Variants in SEC14L1 observed in about 807,000 individuals in gnomAD.
The protein encoded by SEC14L1 is SEC14 like lipid binding 1.
SEC14L1 carries 48 observed loss-of-function variants against 85.3 expected under a neutral mutation model. That is an observed-to-expected ratio of 0.56 (90% CI 0.45 to 0.72). The LOEUF is 0.72. Ranked by LOEUF, SEC14L1 falls within the 30% of genes least tolerant of loss-of-function variation. The pLI is 0.00. For missense variants in SEC14L1, 682 were observed against 921.4 expected (o/e 0.74, Z 3.36); for synonymous variants, 391 against 355.5 (o/e 1.10, Z -1.12).
At chr17:77,139,647 G>C (rs566675479), upstream of SEC14L1, among the ~76,000 whole-genome samples, 10 of 151,890 alleles carry the variant, frequency 6.6e-5, no homozygotes, top group African/African-American at 1.7e-4. Flanking sequence ...ACAGGCGCCC[G>C]CCACCACGCC....
At position 77,216,214 on chromosome 17, in the gene SEC14L1, AGTAG is replaced by A. The variant is rs535738674; in HGVS notation, c.*2197_*2200del. Reference sequence around the variant, plus strand: ...GTAGGTAGGGCTAGTAGGTAGGGCTAGTAGGTAGGGTTCGTAGGTAGGGTTCGTA... The same window carrying A: ...GTAGGTAGGGCTAGTAGGTAGGGCTAGTAGGGTTCGTAGGTAGGGTTCGTA... On this transcript the variant is annotated 3_prime_UTR_variant, in exon 17 of 17. Transcript: ENST00000436233. 7.1e-6 allele frequency: 7 copies of A among 984,472 alleles called. No individual in the cohort carries two copies. The highest frequency in any genetic ancestry group is 2.9e-5 in the South Asian group (1 of 34,086). The allele number at this position is 984,472 out of a possible 1,614,324, so 61.0% of individuals were successfully genotyped here.
intron 3 of SEC14L1, among the ~76,000 whole-genome samples, chr17:77,131,428 C>T (rs1250130514): frequency 6.6e-6 from 1 of 152,142 alleles, no homozygotes; most frequent in African/African-American, 2.4e-5. Context: ...CACCACCATG[C>T]CCAACTAATT....
At position 77,214,892 on chromosome 17, in the gene SEC14L1, A is replaced by G. The variant is rs1015303836; in HGVS notation, c.*869A>G. 6.1e-6 allele frequency: 6 copies of G among 985,252 alleles called. No individual in the cohort carries two copies. The African/African-American group carries it at 1.0e-4, about 17-fold the overall frequency. The allele number at this position is 985,252 out of a possible 1,614,324, so 61.0% of individuals were successfully genotyped here. Reference sequence around the variant, plus strand: ...GTGGCTCATTGTCCTCAGAGCCCAGACAGTTCCAGCCACTAGGAGGCCGTC... The same window carrying G: ...GTGGCTCATTGTCCTCAGAGCCCAGGCAGTTCCAGCCACTAGGAGGCCGTC... On this transcript the variant is annotated 3_prime_UTR_variant, in exon 17 of 17. Coordinates refer to ENST00000436233, the MANE Select transcript of SEC14L1 (RefSeq NM_001143998.2).
intron 3 of SEC14L1, among the ~76,000 whole-genome samples, chr17:77,177,095 A>T (rs528969303): frequency 2.0e-5 from 3 of 152,286 alleles, no homozygotes; most frequent in Admixed American, 2.0e-4. Context: ...TTGTTTGGAC[A>T]TAGTAACTTA....
At chr17:77,202,675 T>A (rs149362591) in intron 9 of SEC14L1, among the ~76,000 whole-genome samples, 102 of 151,184 alleles carry the variant, frequency 6.7e-4, no homozygotes, top group African/African-American at 2.2e-3. Flanking sequence ...ATCCTAGAAG[T>A]TTGGGAGGCG....
chr17:77,130,463 C>T lies in SEC14L1; in HGVS notation c.-135-12183C>T, dbSNP rs561444921. 6.6e-5 allele frequency among the ~76,000 whole-genome samples: 10 copies of T among 151,894 alleles called. No homozygotes were observed. The South Asian group carries it at 1.3e-3, about 19-fold the overall frequency. On this transcript the variant is annotated intron_variant, in intron 3 of 19. Coordinates refer to the SEC14L1 transcript ENST00000392476. ...TCCCGAGTATCTGGGATTACAAGTG[C>T]GCTACCACACTCAGCTAATTTTTTT...
rs572625840 is a variant in SEC14L1, at chr17:77,184,631, G to A, written c.64-6172G>A. 5.0e-4 allele frequency among the ~76,000 whole-genome samples: 76 copies of A among 152,260 alleles called. No homozygotes were observed. The South Asian group carries it at 6.6e-3, about 13-fold the overall frequency. ...ACTCCCTTGCCTCCTGGTGAGAAAC[G>A]TTTCTGCCTCGCCTTGACCTTCCCT... On this transcript the variant is annotated intron_variant, in intron 3 of 16. Coordinates refer to ENST00000436233, the MANE Select transcript of SEC14L1 (RefSeq NM_001143998.2).
At chr17:77,111,257 G>A (rs1468101245) in intron 3 of SEC14L1, among the ~76,000 whole-genome samples, 1 of 152,042 alleles carries the variant, frequency 6.6e-6, no homozygotes, top group Non-Finnish European at 1.5e-5. Context: ...GCCGGGGGTG[G>A]GATTCCGGGC....
intron 3 of SEC14L1, among the ~76,000 whole-genome samples, chr17:77,116,300 G>A (rs1411996917): frequency 7.2e-5 from 11 of 152,132 alleles, no homozygotes; most frequent in Admixed American, 6.6e-4. Flanking sequence ...AGAAATTTGT[G>A]TGCCTGAGGA....
chr17:77,155,995 A>G (rs1863353134), intron 3 of SEC14L1, among the ~76,000 whole-genome samples: 1 of 151,902 alleles, frequency 6.6e-6, no homozygotes, highest in Admixed American at 6.6e-5. Flanking sequence ...CTCCACACCC[A>G]CTGCACAGTC....
intron 3 of SEC14L1, among the ~76,000 whole-genome samples, chr17:77,161,343 T>C (rs1366253037): frequency 1.3e-5 from 2 of 152,076 alleles, no homozygotes; most frequent in South Asian, 4.1e-4. Flanking sequence ...AAAAATCAGC[T>C]GGGCATGGTG....
chr17:77,176,330 A>G (rs1245701005), intron 3 of SEC14L1, among the ~76,000 whole-genome samples: 2 of 152,104 alleles, frequency 1.3e-5, no homozygotes, highest in Non-Finnish European at 2.9e-5. Context: ...GGATAGGTAT[A>G]TGTAAAATAG....
chr17:77,159,951 C>T (rs923862506), intron 3 of SEC14L1, among the ~76,000 whole-genome samples: 1 of 152,158 alleles, frequency 6.6e-6, no homozygotes, highest in African/African-American at 2.4e-5. Flanking sequence ...GATGACCCTA[C>T]CCCCTGTTAA....
Position 77,209,329 on chromosome 17 carries a change from T to A in SEC14L1, c.1477-13T>A, listed in dbSNP as rs1567936004. 6.2e-7 allele frequency: 1 copy of A among 1,614,038 alleles called. No individual in the cohort carries two copies. The highest frequency in any genetic ancestry group is 1.1e-5 in the South Asian group (1 of 91,066). ...TGTTTGCACAGGTTTCACTGCTGTGTTTCTTCTTCCAGTGCGAAGTGCCAG... is the reference window on the plus strand; with the variant it reads ...TGTTTGCACAGGTTTCACTGCTGTGATTCTTCTTCCAGTGCGAAGTGCCAG... On this transcript the variant is annotated splice_polypyrimidine_tract_variant and intron_variant, in intron 13 of 16. Coordinates refer to ENST00000436233, the MANE Select transcript of SEC14L1 (RefSeq NM_001143998.2).
chr17:77,207,592 C>T (rs1406984055), intron 13 of SEC14L1, among the ~76,000 whole-genome samples: 1 of 152,122 alleles, frequency 6.6e-6, no homozygotes, highest in Non-Finnish European at 1.5e-5. Context: ...ACTGGGATTA[C>T]AGGCATGCGC....
rs184882527 is a variant in SEC14L1, at chr17:77,214,775, G to T, written c.*752G>T. On this transcript the variant is annotated 3_prime_UTR_variant, in exon 17 of 17. Coordinates refer to ENST00000436233, the MANE Select transcript of SEC14L1 (RefSeq NM_001143998.2). ...GATTTTTCTGTATGTGAACTTGGGT[G>T]GGGGGGTTCTTCCCGTTTCCTTCCG... 8.1e-6 allele frequency: 8 copies of T among 985,374 alleles called. No individual in the cohort carries two copies. Among genetic ancestry groups the T allele is most frequent in the East Asian group, 1.1e-4 (1 of 8,814 alleles). The allele number at this position is 985,374 out of a possible 1,614,324, so 61.0% of individuals were successfully genotyped here.
At chr17:77,183,135 A>G (rs1490142518) in intron 3 of SEC14L1, among the ~76,000 whole-genome samples, 1 of 152,258 alleles carries the variant, frequency 6.6e-6, no homozygotes, top group African/African-American at 2.4e-5. Flanking sequence ...GGTTTGTACC[A>G]ATCTGTGTAG....
At chr17:77,110,226 G>A (rs1414248400) in intron 3 of SEC14L1, among the ~76,000 whole-genome samples, 1 of 152,122 alleles carries the variant, frequency 6.6e-6, no homozygotes, top group Non-Finnish European at 1.5e-5. Context: ...ACTGAGCTCC[G>A]GAAAGGAAAC....
chr17:77,203,546 C>G (rs1463553308), intron 9 of SEC14L1, 24 bp from the exon 10 acceptor site: 1 of 1,600,756 alleles, frequency 6.2e-7, no homozygotes, highest in Admixed American at 1.7e-5. Context: ...GTGCTGACAA[C>G]TCATTCCTTC....
Sources: gnomAD v4.1 joint callset for allele counts (sites outside exome capture counted in the v4.1 genomes callset) on GRCh38, gnomAD v4.1.1 for gene constraint, MANE v1.5 for transcripts, NCBI Gene and HGNC (gene_info 2026-07-23, HGNC 2026-07-21) for gene names.